The following RGS6 variants were observed in gnomAD, a reference collection of about 807,000 sequenced individuals.
The protein encoded by RGS6 is regulator of G-protein signaling 6.
RGS6 carries 30 observed loss-of-function variants against 78.5 expected under a neutral mutation model. The ratio of observed to expected loss-of-function variants is 0.38; its 90% CI spans 0.29 to 0.52. The LOEUF (loss-of-function observed/expected upper bound fraction) is 0.52. Among genes scored for constraint, RGS6 ranks in the 20% least tolerant of loss-of-function variants. The pLI, the probability that RGS6 is intolerant of heterozygous loss-of-function variation, is 0.85. For missense variants in RGS6, 495 were observed against 609.7 expected (o/e 0.81, Z 1.98); for synonymous variants, 206 against 206.0 (o/e 1.00, Z 0.00).
chr14:72,274,795 A>G (rs2060435008), intron 2 of RGS6, among the ~76,000 whole-genome samples: 1 of 152,192 alleles, frequency 6.6e-6, no homozygotes, highest in African/African-American at 2.4e-5. Flanking sequence ...GGGACTTCAG[A>G]AGGACCTCAC....
At chr14:71,954,118 G>A (rs2092604206) in intron 1 of RGS6, among the ~76,000 whole-genome samples, 1 of 151,662 alleles carries the variant, frequency 6.6e-6, no homozygotes, top group Non-Finnish European at 1.5e-5. Flanking sequence ...GTTTTCTGCA[G>A]TTTGAATATG....
chr14:72,184,356 T>C (rs1428035805), intron 2 of RGS6, among the ~76,000 whole-genome samples: 3 of 141,088 alleles, frequency 2.1e-5, no homozygotes, highest in Non-Finnish European at 4.6e-5. Flanking sequence ...ATAACAGAAG[T>C]ATTTTACTTT....
At chr14:72,182,287 G>A (rs1249725622) in intron 2 of RGS6, among the ~76,000 whole-genome samples, 1 of 151,892 alleles carries the variant, frequency 6.6e-6, no homozygotes, top group Non-Finnish European at 1.5e-5. Flanking sequence ...GCACACGCCT[G>A]TAGTCCTAGC....
rs78347630 is a variant in RGS6 at position 72,015,672 on chromosome 14, A to G, written c.84+50797A>G. The stretch of plus-strand genomic sequence containing the variant: ...ACATTTTAACTTAGTGGACATTACC[A>G]AATTGCTCTCCAAAGCAGTTGTAAT... On this transcript the variant is annotated intron_variant, in intron 2 of 17. Transcript: ENST00000553525. 1.1e-3 allele frequency among the ~76,000 whole-genome samples: 169 copies of G among 152,332 alleles called. 2 individuals are homozygous for G. In the East Asian group the frequency reaches 0.03, roughly 27 times the overall value.
chr14:72,598,040 C>G, the RGS6 span, among the ~76,000 whole-genome samples: 1 of 152,214 alleles, frequency 6.6e-6, no homozygotes, highest in Non-Finnish European at 1.5e-5. Flanking sequence ...CAACAAAAAT[C>G]CCCAGTGCAC....
intron 2 of RGS6, among the ~76,000 whole-genome samples, chr14:71,989,389 A>ATCACAACC (rs1413265739): frequency 6.6e-6 from 1 of 152,256 alleles, no homozygotes; most frequent in Non-Finnish European, 1.5e-5. Flanking sequence ...TGCCAGGGCT[A>ATCACAACC]TCACAACCTC....
rs1202482174 is a variant in RGS6 at position 72,200,966 on chromosome 14, A to G, written c.85-151129A>G. ...ACTCCTGAATGTGCTCTGCTTAAAA[A>G]AAAAAAAAAAAAAAAAAAAAAGAAG... On this transcript the variant is annotated intron_variant, in intron 2 of 17. Coordinates refer to ENST00000553525, the MANE Select transcript of RGS6 (RefSeq NM_001204424.2). Among the ~76,000 whole-genome samples, 6 of 51,848 alleles carry G rather than the reference A, an allele frequency of 1.2e-4. No individual in the cohort carries two copies. In the East Asian group the frequency reaches 1.4e-3, roughly 12 times the overall value. The allele number at this position is 51,848 out of a possible 152,430, so 34.0% of individuals were successfully genotyped here.
intron 2 of RGS6, among the ~76,000 whole-genome samples, chr14:72,219,652 A>G (rs2046395614): frequency 6.6e-6 from 1 of 151,962 alleles, no homozygotes; most frequent in African/African-American, 2.4e-5. Flanking sequence ...ATACTTTTTT[A>G]TTCTATTGCT....
chr14:71,946,952 G>A (rs1180030970), intron 1 of RGS6, among the ~76,000 whole-genome samples: 1 of 152,160 alleles, frequency 6.6e-6, no homozygotes, highest in African/African-American at 2.4e-5. Flanking sequence ...AGTAAAATGA[G>A]AAAACAAAAG....
chr14:72,156,388 G>A (rs2096770795), intron 2 of RGS6, among the ~76,000 whole-genome samples: 1 of 149,356 alleles, frequency 6.7e-6, no homozygotes, highest in South Asian at 2.1e-4. Context: ...AGAGGTTGCA[G>A]TGAGCCAAGA....
intron 2 of RGS6, among the ~76,000 whole-genome samples, chr14:72,195,238 G>T (rs1238863382): frequency 6.6e-6 from 1 of 152,066 alleles, no homozygotes; most frequent in Non-Finnish European, 1.5e-5. Flanking sequence ...AAATAAAAGT[G>T]GGAAGAGGAG....
chr14:72,118,209 G>C (rs2095954162), intron 2 of RGS6, among the ~76,000 whole-genome samples: 1 of 151,782 alleles, frequency 6.6e-6, no homozygotes, highest in African/African-American at 2.4e-5. Flanking sequence ...GTGAACATCA[G>C]CTTCTCCGTA....
chr14:72,042,129 CTTTTT>C (rs202194668), intron 2 of RGS6, among the ~76,000 whole-genome samples: 7 of 134,540 alleles, frequency 5.2e-5, no homozygotes, highest in African/African-American at 1.1e-4. Flanking sequence ...TTTTCTTTTT[CTTTTT>C]TTTTTTTTTT....
chr14:72,503,188 C>T (rs2096751899), intron 13 of RGS6, among the ~76,000 whole-genome samples: 1 of 152,106 alleles, frequency 6.6e-6, no homozygotes, highest in Admixed American at 6.5e-5. Context: ...TAATCCCACT[C>T]CACGTGACCT....
chr14:72,009,614 C>T (rs1045243000), intron 2 of RGS6, among the ~76,000 whole-genome samples: 1 of 152,190 alleles, frequency 6.6e-6, no homozygotes, highest in Non-Finnish European at 1.5e-5. Context: ...ATCCTCTTAG[C>T]CATCACTGAA....
chr14:72,169,820 A>G (rs1299043729), intron 2 of RGS6, among the ~76,000 whole-genome samples: 5 of 152,212 alleles, frequency 3.3e-5, no homozygotes, highest in African/African-American at 4.8e-5. Context: ...ATAGGGGCAC[A>G]TGGGCACCAC....
At chr14:71,947,231 G>A (rs896263790) in intron 1 of RGS6, among the ~76,000 whole-genome samples, 6 of 152,156 alleles carry the variant, frequency 3.9e-5, no homozygotes, top group Admixed American at 2.0e-4. Flanking sequence ...AGGGTAAAGT[G>A]GATAGATACA....
chr14:71,949,586 A>G lies in RGS6; in HGVS notation c.-20-15186A>G, dbSNP rs1219225660. On this transcript the variant is annotated intron_variant, in intron 1 of 17. Transcript: ENST00000553525. The stretch of plus-strand genomic sequence containing the variant: ...TAATACAAATACTTTTGCCTGTCAT[A>G]TGTATTTAAAATATCTTTTCCCGGC... Among the ~76,000 whole-genome samples, 3 of 152,096 alleles carry G rather than the reference A, an allele frequency of 2.0e-5. No homozygotes were observed. In the East Asian group the frequency reaches 5.8e-4, roughly 29 times the overall value.
chr14:72,593,868 C>A, the RGS6 span, among the ~76,000 whole-genome samples: 1 of 150,584 alleles, frequency 6.6e-6, no homozygotes, highest in Non-Finnish European at 1.5e-5. Context: ...AGCTGAACCG[C>A]CCAGGTGATA....
Sources: gnomAD v4.1 joint callset for allele counts (sites outside exome capture counted in the v4.1 genomes callset) on GRCh38, gnomAD v4.1.1 for gene constraint, MANE v1.5 for transcripts, NCBI Gene and HGNC (gene_info 2026-07-23, HGNC 2026-07-21) for gene names.